The following HAGH variants were observed in gnomAD, a reference collection of about 807,000 sequenced individuals.
The protein encoded by HAGH is hydroxyacylglutathione hydrolase, mitochondrial.
A neutral mutation model predicts 35.1 loss-of-function variants in HAGH; 29 were observed. The ratio of observed to expected loss-of-function variants is 0.83; its 90% CI spans 0.62 to 1.13. The LOEUF (loss-of-function observed/expected upper bound fraction) is 1.13, where lower values mean the gene tolerates loss of function less well. HAGH is among the 50% of genes most tolerant of loss of function. The pLI, the probability that HAGH is intolerant of heterozygous loss-of-function variation, is 0.00. For missense variants in HAGH, 478 were observed against 419.6 expected (o/e 1.14, Z -1.22); for synonymous variants, 225 against 176.1 (o/e 1.28, Z -2.20).
At chr16:1,813,872 A>G (rs1897771142) in intron 7 of HAGH, among the ~76,000 whole-genome samples, 1 of 152,208 alleles carries the variant, frequency 6.6e-6, no homozygotes, top group African/African-American at 2.4e-5. Context: ...AACGAAACAG[A>G]GCAGAGACCA....
intron 7 of HAGH, among the ~76,000 whole-genome samples, chr16:1,814,200 C>T (rs764449352): frequency 6.6e-6 from 1 of 152,130 alleles, no homozygotes; most frequent in Non-Finnish European, 1.5e-5. Flanking sequence ...GTAGGCCGGG[C>T]GCAGTGGCTC....
chr16:1,814,921 A>G (rs1284111109), intron 7 of HAGH, among the ~76,000 whole-genome samples: 1 of 88,826 alleles, frequency 1.1e-5, no homozygotes, highest in Non-Finnish European at 2.1e-5. Context: ...ATAAATATAT[A>G]TATGTATATA....
At chr16:1,818,303 C>T (rs1897995999) in intron 5 of HAGH, among the ~76,000 whole-genome samples, 1 of 152,166 alleles carries the variant, frequency 6.6e-6, no homozygotes, top group South Asian at 2.1e-4. Flanking sequence ...GCTCATCCCC[C>T]AGCCCTGCGC....
intron 1 of HAGH, among the ~76,000 whole-genome samples, chr16:1,824,308 G>A (rs1214228697): frequency 3.5e-5 from 5 of 142,930 alleles, no homozygotes; most frequent in Non-Finnish European, 7.6e-5. Flanking sequence ...CTTTGAGACG[G>A]AAAGTTGGCC....
chr16:1,816,448 A>T (rs1897897250), intron 7 of HAGH, among the ~76,000 whole-genome samples: 2 of 152,088 alleles, frequency 1.3e-5, no homozygotes, highest in Admixed American at 6.5e-5. Flanking sequence ...CACCGTTTCC[A>T]GTGAATTCGG....
In HAGH at chr16:1,809,066, G is replaced by A; in HGVS notation, c.*217C>T. On this transcript the variant is annotated 3_prime_UTR_variant, in exon 9 of 9. Transcript: ENST00000397356. ...AGGAGGCCCGAGGGGACAAGCAGAGGCCTAAAGGCCAGAAGAAAACAGTCT... is the reference window on the plus strand; with the variant it reads ...AGGAGGCCCGAGGGGACAAGCAGAGACCTAAAGGCCAGAAGAAAACAGTCT... The A allele has an allele frequency of 1.9e-6, 1 of 521,224 alleles. No homozygotes were observed. The highest frequency in any genetic ancestry group is 3.0e-5 in the East Asian group (1 of 32,894). 32.3% of individuals were successfully genotyped at this position (521,224 alleles called of 1,614,324 possible).
intron 7 of HAGH, among the ~76,000 whole-genome samples, chr16:1,813,643 A>G (rs561392960): frequency 6.6e-6 from 1 of 152,260 alleles, no homozygotes; most frequent in African/African-American, 2.4e-5. Flanking sequence ...AATTCTCGCC[A>G]CATCAGTTAT....
At chr16:1,818,553 C>T (rs344361) in intron 5 of HAGH, 19,921 of 153,034 alleles carry the variant, frequency 0.13, 1,720 homozygotes, top group South Asian at 0.2. Flanking sequence ...GGGTGAAACC[C>T]CGCACTGTGA....
upstream of HAGH, chr16:1,826,884 G>T: frequency 2.5e-6 from 2 of 785,100 alleles, no homozygotes; most frequent in Non-Finnish European, 3.6e-6. Context: ...GCTGCCCTCA[G>T]CCAATCAGCG....
intron 7 of HAGH, among the ~76,000 whole-genome samples, chr16:1,813,843 G>A (rs986156648): frequency 5.3e-5 from 8 of 152,246 alleles, no homozygotes; most frequent in Admixed American, 1.3e-4. Context: ...CTCGGACACC[G>A]TGGCAAGTCA....
At chr16:1,809,723 G>T in intron 8 of HAGH, 31 bp downstream of exon 8, 1 of 1,478,886 alleles carries the variant, frequency 6.8e-7, no homozygotes, top group Non-Finnish European at 9.5e-7. Flanking sequence ...GAGGGGAGGG[G>T]CCCGCGCCCA....
chr16:1,817,905 G>A (rs976061643), intron 5 of HAGH, among the ~76,000 whole-genome samples: 4 of 152,204 alleles, frequency 2.6e-5, no homozygotes, highest in Admixed American at 6.5e-5. Flanking sequence ...CCCCTGAGAG[G>A]AGGGTGCCCA....
In HAGH at chr16:1,823,009, G is replaced by A. The variant is rs984669581; in HGVS notation, c.105C>T (p.His35=). ...CGGTCAGGTTCTTCCGCAAATCTGTGTGGCAGAAAACTCCCAGCAGGGCTG... is the reference window on the plus strand; with the variant it reads ...CGGTCAGGTTCTTCCGCAAATCTGTATGGCAGAAAACTCCCAGCAGGGCTG... ...LGPALLGVFC[H]TDLRKNLTVD... is the part of the protein sequence containing the mutation. Residue 35 remains histidine, a synonymous_variant, in exon 2 of 9, where the codon CAC becomes CAT. Coordinates refer to ENST00000397356, the MANE Select transcript of HAGH (RefSeq NM_005326.6). The A allele has an allele frequency of 1.9e-6, 3 of 1,613,928 alleles. No homozygotes were observed.
chr16:1,826,493 C>G (rs1192666201), intron 1 of HAGH: 59 of 936,782 alleles, frequency 6.3e-5, no homozygotes, highest in Non-Finnish European at 7.5e-5. Flanking sequence ...GGACGCAGGC[C>G]TGGCCCTGCT....
At chr16:1,819,727 C>G in intron 4 of HAGH, 170 bp downstream of exon 4, 1 of 641,204 alleles carries the variant, frequency 1.6e-6, no homozygotes, top group Non-Finnish European at 2.8e-6. Context: ...GTTTTGCACA[C>G]TCCTCTCCTT....
Position 1,822,898 on chromosome 16 carries a change from C to T in HAGH, c.216G>A (p.Glu72=). 6.2e-7 allele frequency: 1 copy of T among 1,613,880 alleles called. No homozygotes were observed. ...MYLVIDDETK[E]AAIVDPVQPQ... ...GCTGCACCGGATCCACAATGGCAGCCTCCTTGGTCTCATCATCAATGACCA... is the reference window on the plus strand; with the variant it reads ...GCTGCACCGGATCCACAATGGCAGCTTCCTTGGTCTCATCATCAATGACCA... Residue 72 remains glutamate (E), a synonymous_variant, in exon 2 of 9, where the codon GAG becomes GAA. Coordinates refer to ENST00000397356, the MANE Select transcript of HAGH (RefSeq NM_005326.6).
At chr16:1,810,918 A>G (rs2142026043) in intron 7 of HAGH, 1 of 152,348 alleles carries the variant, frequency 6.6e-6, no homozygotes, top group East Asian at 1.9e-4. Context: ...ATGTTTTAAA[A>G]TATTCCCTGT....
chr16:1,819,720 T>C lies in HAGH; in HGVS notation c.432+177A>G, dbSNP rs1375711359. On this transcript the variant is annotated intron_variant, in intron 4 of 8. Transcript: ENST00000397356. ...TCACAGCCCCGCACACAGCCGCGTT[T>C]TGCACACTCCTCTCCTTGTGCCTAG... The C allele has an allele frequency of 4.8e-6, 3 of 628,122 alleles. No homozygotes were observed. The Admixed American group carries it at 7.8e-5, about 16-fold the overall frequency. 38.9% of individuals were successfully genotyped at this position (628,122 alleles called of 1,614,324 possible). A position where few individuals can be genotyped will look rare whatever the true frequency, so the allele number is the denominator to read the frequency against.
intron 7 of HAGH, among the ~76,000 whole-genome samples, chr16:1,813,452 G>A (rs1042714469): frequency 6.6e-6 from 1 of 152,194 alleles, no homozygotes; most frequent in Non-Finnish European, 1.5e-5. Context: ...CACCCAGGAA[G>A]TTAATACGCA....
Sources: allele counts gnomAD v4.1 joint callset (sites outside exome capture counted in the v4.1 genomes callset), GRCh38; gene constraint gnomAD v4.1.1; transcripts MANE v1.5; gene names NCBI Gene and HGNC (gene_info 2026-07-23, HGNC 2026-07-21).